Variants in CNTNAP2 observed in about 807,000 individuals in gnomAD.
CNTNAP2 encodes the protein contactin-associated protein-like 2.
In CNTNAP2, 98 loss-of-function variants were observed where a neutral mutation model predicts 155.2. The observed-to-expected ratio is 0.63, with a 90% CI of 0.54 to 0.75. CNTNAP2 has a LOEUF of 0.75. Among genes scored for constraint, CNTNAP2 ranks in the 30% least tolerant of loss-of-function variants. CNTNAP2 has a pLI of 0.00. For synonymous variants in CNTNAP2, 651 were observed against 631.2 expected (o/e 1.03, Z -0.47); for missense variants, 1,727 against 1,688.1 (o/e 1.02, Z -0.40).
intron 2 of CNTNAP2, among the ~76,000 whole-genome samples, chr7:146,830,312 G>A (rs1414673484): frequency 1.3e-5 from 2 of 151,988 alleles, no homozygotes; most frequent in Non-Finnish European, 2.9e-5. Context: ...TATTGTGGGG[G>A]AAAAGGACGG....
chr7:147,459,685 G>C (rs1329949551), intron 10 of CNTNAP2, among the ~76,000 whole-genome samples: 2 of 152,120 alleles, frequency 1.3e-5, no homozygotes, highest in African/African-American at 4.8e-5. Flanking sequence ...TTTCGAGGTT[G>C]GAAAGGCAAG....
chr7:146,849,957 G>A lies in CNTNAP2; in HGVS notation c.402+10053G>A, dbSNP rs147791941. Among the ~76,000 whole-genome samples the A allele has an allele frequency of 2.0e-4, 31 of 152,236 alleles. No homozygotes were observed. In the East Asian group the frequency reaches 5.6e-3, roughly 28 times the overall value. On this transcript the variant is annotated intron_variant, in intron 3 of 23. Coordinates refer to ENST00000361727, the MANE Select transcript of CNTNAP2 (RefSeq NM_014141.6). ...CAGGATGCTTATGCCCCTGGACACC[G>A]TGAAGATACCCATTCTATGTGTTTC...
intron 1 of CNTNAP2, among the ~76,000 whole-genome samples, chr7:146,385,109 C>A (rs1795442148): frequency 1.3e-5 from 2 of 152,184 alleles, no homozygotes; most frequent in African/African-American, 4.8e-5. Context: ...CCAATTTGTG[C>A]TGCACCCTTC....
intron 10 of CNTNAP2, among the ~76,000 whole-genome samples, chr7:147,412,411 C>A (rs968067675): frequency 2.0e-5 from 3 of 152,130 alleles, no homozygotes; most frequent in African/African-American, 7.2e-5. Flanking sequence ...TATCTCAATT[C>A]ATAGATAAAC....
chr7:148,400,974 C>T (rs1215183950), intron 22 of CNTNAP2, among the ~76,000 whole-genome samples: 10 of 144,530 alleles, frequency 6.9e-5, no homozygotes, highest in South Asian at 2.1e-4. Flanking sequence ...AGTGAGACTC[C>T]GCCTCAAAAA....
At chr7:146,844,215 T>G (rs980882975) in intron 3 of CNTNAP2, among the ~76,000 whole-genome samples, 4 of 151,942 alleles carry the variant, frequency 2.6e-5, no homozygotes, top group Non-Finnish European at 5.9e-5. Context: ...CATTAGGGAG[T>G]GAGAATGGCT....
chr7:147,926,141 G>A (rs1396011360), intron 14 of CNTNAP2, among the ~76,000 whole-genome samples: 2 of 152,156 alleles, frequency 1.3e-5, no homozygotes, highest in Non-Finnish European at 2.9e-5. Context: ...TTCAAATGGA[G>A]TCTTATTTGA....
intron 21 of CNTNAP2, among the ~76,000 whole-genome samples, chr7:148,289,216 G>A (rs1445557086): frequency 1.3e-5 from 2 of 152,208 alleles, no homozygotes; most frequent in African/African-American, 4.8e-5. Context: ...GCCATAGTGG[G>A]AGGATTTGGA....
rs1266914469 is a variant in CNTNAP2 at position 147,534,980 on chromosome 7, C to T, written c.1778-27158C>T. On this transcript the variant is annotated intron_variant, in intron 11 of 23. Transcript: ENST00000361727. ...GCGCAAGGAAGCTGGGGTCTGGGGC[C>T]TGACTCTTCCCTGCCATTTTGGTGC... is the stretch of plus-strand genomic sequence containing the variant. Among the ~76,000 whole-genome samples, 9 of 152,232 alleles carry T rather than the reference C, an allele frequency of 5.9e-5. No homozygotes were observed. In the East Asian group the frequency reaches 1.7e-3, roughly 29 times the overall value.
rs11341069 is a variant in CNTNAP2 at position 146,720,130 on chromosome 7, C to CT, written c.98-54131dup. 2.9e-4 allele frequency among the ~76,000 whole-genome samples: 43 copies of CT among 150,444 alleles called. No individual in the cohort carries two copies. The East Asian group carries it at 5.1e-3, about 18-fold the overall frequency. On this transcript the variant is annotated intron_variant, in intron 1 of 23. Coordinates refer to ENST00000361727, the MANE Select transcript of CNTNAP2 (RefSeq NM_014141.6). ...CTTGTTTTATTACATTCATACAAAA[C>CT]TTTTTTTTTTCCAGTTATTTCACAA... is the stretch of plus-strand genomic sequence containing the variant.
intron 13 of CNTNAP2, among the ~76,000 whole-genome samples, chr7:147,801,557 T>C (rs568901393): frequency 1.2e-3 from 182 of 151,944 alleles, no homozygotes; most frequent in African/African-American, 4.1e-3. Flanking sequence ...AGCATCTGTT[T>C]AACAAAGCAC....
chr7:148,086,429 A>G (rs1803730239), intron 15 of CNTNAP2, among the ~76,000 whole-genome samples: 1 of 152,260 alleles, frequency 6.6e-6, no homozygotes, highest in Admixed American at 6.5e-5. Flanking sequence ...AATATTGATC[A>G]CAATGTCTCT....
intron 16 of CNTNAP2, among the ~76,000 whole-genome samples, chr7:148,118,812 C>G (rs1470314781): frequency 6.6e-6 from 1 of 152,128 alleles, no homozygotes; most frequent in Non-Finnish European, 1.5e-5. Context: ...CCACCCTCTG[C>G]AAGTGAGTTC....
intron 9 of CNTNAP2, among the ~76,000 whole-genome samples, chr7:147,329,983 C>T (rs1032351587): frequency 7.2e-5 from 11 of 152,020 alleles, no homozygotes; most frequent in African/African-American, 2.2e-4. Context: ...GGCACAGAGC[C>T]CCTAAGACCC....
At chr7:147,635,553 A>G (rs1237946012) in intron 12 of CNTNAP2, among the ~76,000 whole-genome samples, 5 of 151,968 alleles carry the variant, frequency 3.3e-5, no homozygotes, top group African/African-American at 1.2e-4. Flanking sequence ...CAAAACAAAC[A>G]TATAACAGAT....
At chr7:148,225,196 T>C (rs191660214) in intron 19 of CNTNAP2, among the ~76,000 whole-genome samples, 168 of 152,220 alleles carry the variant, frequency 1.1e-3, no homozygotes, top group African/African-American at 3.8e-3. Flanking sequence ...ATAAACAAAT[T>C]GGTACAATCT....
At chr7:146,934,977 T>C (rs571447392) in intron 3 of CNTNAP2, among the ~76,000 whole-genome samples, 15 of 152,328 alleles carry the variant, frequency 9.8e-5, no homozygotes, top group African/African-American at 3.6e-4. Flanking sequence ...AAATAGTCCA[T>C]TTGCTATTGT....
intron 1 of CNTNAP2, among the ~76,000 whole-genome samples, chr7:146,684,238 T>C (rs1425709217): frequency 1.3e-5 from 2 of 152,098 alleles, no homozygotes; most frequent in African/African-American, 4.8e-5. Context: ...TTCCAAAATA[T>C]AAGATGAGTT....
At chr7:148,355,651 G>A (rs916306458) in intron 21 of CNTNAP2, among the ~76,000 whole-genome samples, 7 of 152,154 alleles carry the variant, frequency 4.6e-5, no homozygotes, top group African/African-American at 1.4e-4. Flanking sequence ...CCAACAGTAC[G>A]CAGCGGCTGA....
Sources: gnomAD v4.1 joint callset for allele counts (sites outside exome capture counted in the v4.1 genomes callset) on GRCh38, gnomAD v4.1.1 for gene constraint, MANE v1.5 for transcripts, NCBI Gene and HGNC (gene_info 2026-07-23, HGNC 2026-07-21) for gene names.